The following BMS1 variants were observed in gnomAD, a reference collection of about 807,000 sequenced individuals.
The protein encoded by BMS1 is ribosome biogenesis protein BMS1 homolog.
A neutral mutation model predicts 138.7 loss-of-function variants in BMS1; 53 were observed. The observed-to-expected ratio is 0.38, with a 90% CI of 0.31 to 0.48. The LOEUF (loss-of-function observed/expected upper bound fraction) is 0.48. BMS1 is among the 20% of genes least tolerant of loss of function. The pLI, the probability that BMS1 is intolerant of heterozygous loss-of-function variation, is 0.97. For synonymous variants in BMS1, 504 were observed against 539.9 expected, an observed-to-expected ratio of 0.93 and a Z score of 0.92; for missense variants, 1,360 against 1,565.5, an observed-to-expected ratio of 0.87 and a Z score of 2.22.
intron 2 of BMS1, among the ~76,000 whole-genome samples, chr10:42,784,898 A>G (rs958838455): frequency 2.6e-5 from 4 of 152,222 alleles, no homozygotes; most frequent in African/African-American, 9.6e-5. Context: ...AAATACAAAA[A>G]TTACAATATT....
chr10:42,785,355 A>G (rs754580476), intron 2 of BMS1, 127 bp from the exon 3 acceptor site: 49 of 707,698 alleles, frequency 6.9e-5, no homozygotes, highest in Middle Eastern at 8.4e-4. Context: ...TGTACTCTCT[A>G]TAAAATGTGC....
chr10:42,823,461 T>C, intron 20 of BMS1, 148 bp from the exon 21 acceptor site: 2 of 1,076,924 alleles, frequency 1.9e-6, no homozygotes, highest in East Asian at 5.3e-5. Flanking sequence ...CTGTGATCTA[T>C]GAGAATAGTT....
chr10:42,816,342 T>G (rs1416773600), intron 13 of BMS1, among the ~76,000 whole-genome samples: 1 of 152,164 alleles, frequency 6.6e-6, no homozygotes, highest in Admixed American at 6.5e-5. Context: ...TTGTGTATAC[T>G]GGAAAAATTG....
chr10:42,814,764 G>A (rs1424550311), intron 13 of BMS1, among the ~76,000 whole-genome samples: 2 of 152,184 alleles, frequency 1.3e-5, no homozygotes, highest in Admixed American at 6.5e-5. Context: ...CCACCTGAGG[G>A]AACAGGGGAG....
intron 4 of BMS1, among the ~76,000 whole-genome samples, chr10:42,787,583 G>A (rs1425932747): frequency 1.3e-5 from 2 of 152,026 alleles, no homozygotes; most frequent in Non-Finnish European, 2.9e-5. Flanking sequence ...ATTTCTTCTT[G>A]GACTCTTCCT....
chr10:42,784,389 G>A lies in BMS1; in HGVS notation c.-6G>A. ...TAGAGTTACTTGTTATTGGTAAATA[G>A]CCACTATGGAGGCTAAGGACCAGAA... is the stretch of plus-strand genomic sequence containing the variant. On this transcript the variant is annotated 5_prime_UTR_variant, in exon 2 of 23. Transcript: ENST00000374518. 1 of 1,592,860 alleles carries A rather than the reference G, an allele frequency of 6.3e-7. No homozygotes were observed. The highest frequency in any genetic ancestry group is 8.5e-7 in the Non-Finnish European group (1 of 1,175,024).
At chr10:42,816,964 C>CT in intron 14 of BMS1, among the ~76,000 whole-genome samples, 1 of 152,296 alleles carries the variant, frequency 6.6e-6, no homozygotes, top group East Asian at 1.9e-4. Context: ...CATCATTCTC[C>CT]TTTTTTTAAA....
chr10:42,831,886 A>G lies in BMS1; in HGVS notation c.*790A>G, dbSNP rs1322426058. Reference sequence around the variant, plus strand: ...AACATTATGTTGAAGTAATCATACTATTACATAGGCGATGTATGTATTTTA... The same window carrying G: ...AACATTATGTTGAAGTAATCATACTGTTACATAGGCGATGTATGTATTTTA... On this transcript the variant is annotated 3_prime_UTR_variant, in exon 23 of 23. Transcript: ENST00000374518. The G allele has an allele frequency of 6.6e-6, 1 of 152,168 alleles. No homozygotes were observed. The highest frequency in any genetic ancestry group is 6.5e-5 in the Admixed American group (1 of 15,272). 9.4% of individuals were successfully genotyped at this position (152,168 alleles called of 1,614,324 possible). A position where few individuals can be genotyped will look rare whatever the true frequency, so the allele number is the denominator to read the frequency against.
At chr10:42,806,512 G>A (rs1443641073) in intron 13 of BMS1, among the ~76,000 whole-genome samples, 2 of 151,944 alleles carry the variant, frequency 1.3e-5, no homozygotes, top group African/African-American at 2.4e-5. Flanking sequence ...TGAGGCGGGC[G>A]GATCACGAGG....
In BMS1 at chr10:42,784,549, G is replaced by A. The variant is rs771536340; in HGVS notation, c.155G>A (p.Arg52Gln). Residue 52 changes from arginine (R) to glutamine (Q), a missense_variant, in exon 2 of 23, where the codon CGG becomes CAG. By Grantham distance (43) the Arg-to-Gln change is conservative (BLOSUM62 1). Around this residue, in one of 3 missense-constraint regions of BMS1, gnomAD observed 238 missense variants for 311.1 expected, o/e 0.77. Coordinates refer to ENST00000374518, the MANE Select transcript of BMS1 (RefSeq NM_014753.4). ...GCTTTTGCAGTTCAGTCTGCTGTGCGGATGGCTCGATCCTTTCACAGGTAT... is the reference window on the plus strand; with the variant it reads ...GCTTTTGCAGTTCAGTCTGCTGTGCAGATGGCTCGATCCTTTCACAGGTAT... Reference protein sequence around the residue: ...PKAFAVQSAVRMARSFHRTQD... With the variant: ...PKAFAVQSAVQMARSFHRTQD... 1.5e-5 allele frequency: 24 copies of A among 1,613,072 alleles called. No homozygotes were observed. The highest frequency in any genetic ancestry group is 3.3e-5 in the South Asian group (3 of 90,824).
Position 42,817,426 on chromosome 10 carries a change from G to T in BMS1, c.2512G>T (p.Ala838Ser). 2 of 1,609,310 alleles carry T rather than the reference G, an allele frequency of 1.2e-6. No homozygotes were observed. Among genetic ancestry groups the T allele is most frequent in the East Asian group, 4.5e-5 (2 of 44,874 alleles). The change falls in exon 15 of 23, where the codon GCA (alanine) becomes TCA (serine). Residue 838 changes from alanine (A) to serine (S), a missense_variant. By Grantham distance (99) the Ala-to-Ser change is moderately conservative (BLOSUM62 1). Transcript: ENST00000374518. The part of the protein sequence containing the change: ...KKRKLKEMFD[A>S]EYDEGESTYF... ...GAGAAAATTGAAGGAGATGTTTGAT[G>T]CAGAATATGATGAAGGAGAAAGCAC... is the stretch of plus-strand genomic sequence containing the variant.
rs1842829276 is a variant in BMS1, at chr10:42,833,270, G to C, written c.*2174G>C. 1 of 152,138 alleles carries C rather than the reference G, an allele frequency of 6.6e-6. No individual in the cohort carries two copies. The highest frequency in any genetic ancestry group is 2.4e-5 in the African/African-American group (1 of 41,454). 9.4% of individuals were successfully genotyped at this position (152,138 alleles called of 1,614,324 possible). On this transcript the variant is annotated 3_prime_UTR_variant, in exon 23 of 23. Transcript: ENST00000374518. ...TTAAGATTATTTAAACTAAAGTTAA[G>C]GAATCTCTAATGTCTGAAAGAAACA...
At chr10:42,800,582 A>C (rs749378347) in intron 12 of BMS1, among the ~76,000 whole-genome samples, 3 of 142,646 alleles carry the variant, frequency 2.1e-5, no homozygotes, top group Non-Finnish European at 4.5e-5. Flanking sequence ...GCTGGAGTGC[A>C]GTGGCACAAT....
intron 2 of BMS1, among the ~76,000 whole-genome samples, 182 bp from the exon 3 acceptor site, chr10:42,785,300 G>A (rs753684804): frequency 1.3e-5 from 2 of 152,142 alleles, no homozygotes; most frequent in Admixed American, 6.5e-5. Context: ...CCAGAAGTTA[G>A]CAAGTTAATA....
intron 3 of BMS1, among the ~76,000 whole-genome samples, chr10:42,786,332 G>T (rs751756264): frequency 2.0e-5 from 3 of 152,208 alleles, no homozygotes; most frequent in Non-Finnish European, 4.4e-5. Flanking sequence ...ACTTCCAGTG[G>T]TAGAATGGCA....
At chr10:42,795,065 C>G (rs1403555878) in intron 9 of BMS1, among the ~76,000 whole-genome samples, 1 of 142,832 alleles carries the variant, frequency 7.0e-6, no homozygotes, top group East Asian at 1.9e-4. Flanking sequence ...TTTCCAATTT[C>G]ATCCATGTCC....
intron 11 of BMS1, among the ~76,000 whole-genome samples, chr10:42,797,878 C>T (rs1841739294): frequency 6.6e-6 from 1 of 152,162 alleles, no homozygotes; most frequent in South Asian, 2.1e-4. Flanking sequence ...CTGTATAACA[C>T]ATTTTGTTCT....
At chr10:42,817,223 T>G in intron 14 of BMS1, 95 bp from the exon 15 acceptor site, 1 of 1,008,130 alleles carries the variant, frequency 9.9e-7, no homozygotes. Flanking sequence ...AGATTTTTGC[T>G]AAGATTCTTG....
Position 42,830,974 on chromosome 10 carries a change from G to A in BMS1, c.3727G>A (p.Glu1243Lys). 6.2e-7 allele frequency: 1 copy of A among 1,606,410 alleles called. No individual in the cohort carries two copies. Among genetic ancestry groups the A allele is most frequent in the South Asian group, 1.1e-5 (1 of 89,796 alleles). Residue 1243 changes from glutamate to lysine, a missense_variant, in exon 23 of 23, where the codon GAG becomes AAG. This residue lies in a region of BMS1 where 425 missense variants were observed against 568.3 expected (regional missense o/e 0.75). Transcript: ENST00000374518. ...NKEHFRAKQK[E>K]EEEKLKRQKD... The stretch of plus-strand genomic sequence containing the variant: ...AGAGCACTTCAGAGCCAAGCAGAAG[G>A]AGGAGGAGGAGAAGCTGAAGCGGCA...
Sources: allele counts gnomAD v4.1 joint callset (sites outside exome capture counted in the v4.1 genomes callset), GRCh38; gene constraint gnomAD v4.1.1; regional missense constraint gnomAD v4.1.1; transcripts MANE v1.5; gene names NCBI Gene and HGNC (gene_info 2026-07-23, HGNC 2026-07-21).